Variants in PLPP4 observed in about 807,000 individuals in gnomAD.
PLPP4 encodes phospholipid phosphatase 4.
PLPP4 carries 20 observed loss-of-function variants against 32.2 expected under a neutral mutation model. That is an observed-to-expected ratio of 0.62 (90% confidence interval 0.44 to 0.90). PLPP4 has a LOEUF of 0.90. Among genes scored for constraint, PLPP4 ranks in the 40% least tolerant of loss-of-function variants. The probability of loss-of-function intolerance (pLI) is 0.00; values close to 1 mark genes in which losing one functional copy is unlikely to be tolerated. For missense variants in PLPP4, 257 were observed against 353.1 expected (o/e 0.73, Z 2.18); for synonymous variants, 127 against 133.0 (o/e 0.95, Z 0.31).
chr10:120,502,425 A>G (rs996115496), intron 1 of PLPP4, among the ~76,000 whole-genome samples: 2 of 152,172 alleles, frequency 1.3e-5, no homozygotes, highest in Non-Finnish European at 2.9e-5. Context: ...TAGATATGCA[A>G]TAGAATTGAG....
chr10:120,579,220 T>C (rs1283896505), intron 6 of PLPP4, among the ~76,000 whole-genome samples: 1 of 152,166 alleles, frequency 6.6e-6, no homozygotes, highest in Non-Finnish European at 1.5e-5. Flanking sequence ...CTTGTTCCTC[T>C]AATCATAGGT....
chr10:120,472,068 T>TA (rs1387623849), intron 1 of PLPP4, among the ~76,000 whole-genome samples: 2 of 152,092 alleles, frequency 1.3e-5, no homozygotes, highest in African/African-American at 4.8e-5. Flanking sequence ...TACTTCTATA[T>TA]ATAAATCTCA....
chr10:120,534,732 C>T (rs1435649176), intron 5 of PLPP4, among the ~76,000 whole-genome samples: 3 of 152,158 alleles, frequency 2.0e-5, no homozygotes, highest in East Asian at 3.9e-4. Flanking sequence ...TGCTAAGGCC[C>T]TCTAGTAAAT....
chr10:120,520,149 A>C (rs1476917527), intron 4 of PLPP4, among the ~76,000 whole-genome samples: 1 of 152,198 alleles, frequency 6.6e-6, no homozygotes, highest in Non-Finnish European at 1.5e-5. Flanking sequence ...GACTTCCTGC[A>C]GCTGTGATTG....
chr10:120,549,285 T>A (rs1447845579), intron 5 of PLPP4, among the ~76,000 whole-genome samples: 1 of 151,136 alleles, frequency 6.6e-6, no homozygotes, highest in African/African-American at 2.4e-5. Flanking sequence ...ATTTAAAAAC[T>A]AAGTAAAATG....
Position 120,558,881 on chromosome 10 carries a change from CAG to C in PLPP4, c.446-16248_446-16247del, listed in dbSNP as rs575695728. 6.5e-3 allele frequency among the ~76,000 whole-genome samples: 983 copies of C among 152,312 alleles called. 10 individuals are homozygous for C. The highest frequency in any genetic ancestry group is 0.023 in the African/African-American group (948 of 41,576). On this transcript the variant is annotated intron_variant, in intron 5 of 6. Transcript: ENST00000398250. ...TTGTGCTTCTTCCAAATATAACTCT[CAG>C]ATAAATTACTTGCAGTAAAATTTTT...
intron 2 of PLPP4, among the ~76,000 whole-genome samples, chr10:120,507,743 G>C (rs913811545): frequency 1.3e-5 from 2 of 152,210 alleles, no homozygotes; most frequent in African/African-American, 4.8e-5. Context: ...GAGTATCTAT[G>C]CGTAAGGGCT....
At chr10:120,486,965 T>G (rs1844487790) in intron 1 of PLPP4, among the ~76,000 whole-genome samples, 1 of 152,220 alleles carries the variant, frequency 6.6e-6, no homozygotes, top group South Asian at 2.1e-4. Context: ...CAGAAGGGGT[T>G]TGCTGCCTTC....
At chr10:120,582,120 G>C (rs911868657) in intron 6 of PLPP4, among the ~76,000 whole-genome samples, 2 of 152,312 alleles carry the variant, frequency 1.3e-5, no homozygotes, top group African/African-American at 2.4e-5. Flanking sequence ...GTAGGTACTT[G>C]TATCAGGGTC....
chr10:120,577,922 A>G (rs1396069301), intron 6 of PLPP4, among the ~76,000 whole-genome samples: 2 of 152,180 alleles, frequency 1.3e-5, no homozygotes, highest in Non-Finnish European at 2.9e-5. Context: ...CTCAGGGGAC[A>G]TTTAGCAATG....
intron 5 of PLPP4, among the ~76,000 whole-genome samples, chr10:120,571,406 G>C (rs11594635): frequency 0.24 from 36,647 of 151,866 alleles, 4,820 homozygotes; most frequent in Non-Finnish European, 0.3. Flanking sequence ...GAGGTAGGGT[G>C]GGGGACAGAC....
At chr10:120,472,830 T>C (rs1848578291) in intron 1 of PLPP4, among the ~76,000 whole-genome samples, 1 of 152,202 alleles carries the variant, frequency 6.6e-6, no homozygotes, top group South Asian at 2.1e-4. Context: ...TATTGACTTG[T>C]CTTCAAATTC....
intron 5 of PLPP4, among the ~76,000 whole-genome samples, chr10:120,557,416 G>A (rs1276526798): frequency 6.6e-6 from 1 of 152,162 alleles, no homozygotes; most frequent in African/African-American, 2.4e-5. Flanking sequence ...AATCAATCAA[G>A]TGCCTCCGGA....
At chr10:120,532,784 T>C (rs1846801238) in intron 5 of PLPP4, among the ~76,000 whole-genome samples, 1 of 152,224 alleles carries the variant, frequency 6.6e-6, no homozygotes, top group South Asian at 2.1e-4. Flanking sequence ...TCAAGATTCA[T>C]GATGTAGCAT....
intron 2 of PLPP4, among the ~76,000 whole-genome samples, chr10:120,512,177 T>C (rs986359711): frequency 1.3e-5 from 2 of 152,176 alleles, no homozygotes; most frequent in Non-Finnish European, 2.9e-5. Flanking sequence ...CGTGTAGTTA[T>C]TTAGGTGTGA....
chr10:120,564,471 G>T (rs1163044836), intron 5 of PLPP4, among the ~76,000 whole-genome samples: 2 of 151,802 alleles, frequency 1.3e-5, no homozygotes, highest in Non-Finnish European at 2.9e-5. Context: ...ATGTCTATTA[G>T]AACAAGATTG....
chr10:120,489,296 A>T (rs1187003547), intron 1 of PLPP4, among the ~76,000 whole-genome samples: 1 of 152,240 alleles, frequency 6.6e-6, no homozygotes, highest in African/African-American at 2.4e-5. Context: ...GCTGTGGACC[A>T]GTTCGTCTTA....
chr10:120,477,557 G>A (rs1473635301), intron 1 of PLPP4, among the ~76,000 whole-genome samples: 2 of 152,172 alleles, frequency 1.3e-5, no homozygotes, highest in African/African-American at 4.8e-5. Context: ...GCAGCTCTTG[G>A]TCTGGACTGA....
chr10:120,555,664 T>A (rs1014456821), intron 5 of PLPP4, among the ~76,000 whole-genome samples: 2 of 152,210 alleles, frequency 1.3e-5, no homozygotes, highest in Admixed American at 6.5e-5. Flanking sequence ...CCTGGCGTAG[T>A]GCCTGCCTGT....
Sources: allele counts gnomAD v4.1 joint callset (sites outside exome capture counted in the v4.1 genomes callset), GRCh38; gene constraint gnomAD v4.1.1; transcripts MANE v1.5; gene names NCBI Gene and HGNC (gene_info 2026-07-23, HGNC 2026-07-21).